The following SORCS1 variants were observed in gnomAD, a reference collection of about 807,000 sequenced individuals.
SORCS1 encodes sortilin related VPS10 domain containing receptor 1.
A neutral mutation model predicts 146.1 loss-of-function variants in SORCS1; 60 were observed. The ratio of observed to expected loss-of-function variants is 0.41; its 90% confidence interval spans 0.33 to 0.51. The LOEUF (loss-of-function observed/expected upper bound fraction) is 0.51, where lower values mean the gene tolerates loss of function less well. SORCS1 is among the 20% of genes least tolerant of loss of function. The pLI, the probability that SORCS1 is intolerant of heterozygous loss-of-function variation, is 0.21. For missense variants in SORCS1, 1,352 were observed against 1,487.6 expected (o/e 0.91, Z 1.50); for synonymous variants, 637 against 584.0 (o/e 1.09, Z -1.31).
chr10:106,815,385 C>T (rs1258328225), intron 3 of SORCS1, among the ~76,000 whole-genome samples: 1 of 152,226 alleles, frequency 6.6e-6, no homozygotes, highest in Non-Finnish European at 1.5e-5. Context: ...CCAATTTCAA[C>T]AAGGCCCTCT....
At chr10:106,954,145 C>T (rs1714365609) in intron 2 of SORCS1, among the ~76,000 whole-genome samples, 1 of 152,236 alleles carries the variant, frequency 6.6e-6, no homozygotes, top group Non-Finnish European at 1.5e-5. Flanking sequence ...TCAGGCCCTG[C>T]AGGCATGTTC....
At chr10:106,599,499 G>A (rs191032342) in intron 23 of SORCS1, among the ~76,000 whole-genome samples, 1 of 152,190 alleles carries the variant, frequency 6.6e-6, no homozygotes, top group African/African-American at 2.4e-5. Context: ...AATTGGCAGA[G>A]TCTTTATAGG....
chr10:107,057,233 A>G (rs1960730947), intron 1 of SORCS1, among the ~76,000 whole-genome samples: 1 of 152,120 alleles, frequency 6.6e-6, no homozygotes, highest in Admixed American at 6.5e-5. Flanking sequence ...AAAAAAAATT[A>G]TTCATAAAAT....
At chr10:107,002,014 A>G (rs949490094) in intron 1 of SORCS1, among the ~76,000 whole-genome samples, 1 of 152,216 alleles carries the variant, frequency 6.6e-6, no homozygotes, top group Non-Finnish European at 1.5e-5. Flanking sequence ...TTCTGAAGGA[A>G]AAAATATCCA....
intron 1 of SORCS1, among the ~76,000 whole-genome samples, chr10:106,957,204 G>A (rs1410580830): frequency 2.8e-5 from 4 of 140,542 alleles, no homozygotes; most frequent in South Asian, 2.3e-4. Context: ...AGTTTCGCTC[G>A]CTCGTGTTGC....
At chr10:106,660,749 C>CA (rs200384139) in intron 17 of SORCS1, among the ~76,000 whole-genome samples, 1,862 of 80,546 alleles carry the variant, frequency 0.023, 36 homozygotes, top group African/African-American at 0.064. Flanking sequence ...GACTCCGTCT[C>CA]AAAAAAAAAA....
At chr10:106,621,458 A>G (rs1847738755) in intron 19 of SORCS1, among the ~76,000 whole-genome samples, 1 of 151,314 alleles carries the variant, frequency 6.6e-6, no homozygotes, top group Non-Finnish European at 1.5e-5. Context: ...TGCCCTGTAA[A>G]TGTGTTTCCC....
At chr10:106,774,613 A>G (rs1176162822) in intron 4 of SORCS1, among the ~76,000 whole-genome samples, 1 of 152,236 alleles carries the variant, frequency 6.6e-6, no homozygotes, top group Non-Finnish European at 1.5e-5. Context: ...ATATCCATTA[A>G]AGTCCAGCTG....
At chr10:106,931,154 T>A (rs1228791055) in intron 2 of SORCS1, among the ~76,000 whole-genome samples, 1 of 152,196 alleles carries the variant, frequency 6.6e-6, no homozygotes, top group African/African-American at 2.4e-5. Flanking sequence ...ACCCTTCTTC[T>A]CCTAGAAGAC....
rs574142143 is a variant in SORCS1 at position 107,037,485 on chromosome 10, C to T, written c.559-80905G>A. On this transcript the variant is annotated intron_variant, in intron 1 of 25. Transcript: ENST00000263054. ...ATAATATGTTTGCATTTCTATCTGG[C>T]TCCCGGACTCAAAGAAACTTGAATA... 2.0e-3 allele frequency among the ~76,000 whole-genome samples: 309 copies of T among 152,330 alleles called. 1 individual carries two copies. The highest frequency in any genetic ancestry group is 7.1e-3 in the African/African-American group (294 of 41,580).
intron 18 of SORCS1, among the ~76,000 whole-genome samples, chr10:106,636,057 T>C (rs1448879708): frequency 6.6e-6 from 1 of 152,118 alleles, no homozygotes; most frequent in Non-Finnish European, 1.5e-5. Flanking sequence ...GCCAGTGTAG[T>C]AAATGCATGG....
chr10:107,103,804 C>T (rs1271323733), intron 1 of SORCS1, among the ~76,000 whole-genome samples: 1 of 152,194 alleles, frequency 6.6e-6, no homozygotes, highest in East Asian at 1.9e-4. Flanking sequence ...TATAAAACCC[C>T]TTTGTTCTCC....
chr10:106,783,643 T>C (rs1861062202), intron 3 of SORCS1, among the ~76,000 whole-genome samples: 1 of 152,208 alleles, frequency 6.6e-6, no homozygotes. Context: ...GACGACACTA[T>C]ATTCTTGAAC....
intron 20 of SORCS1, among the ~76,000 whole-genome samples, chr10:106,619,282 A>G (rs969960803): frequency 1.3e-5 from 2 of 152,222 alleles, no homozygotes; most frequent in Non-Finnish European, 2.9e-5. Flanking sequence ...GTTCACACAC[A>G]TAGTTTCAGG....
chr10:106,650,199 T>C (rs1384016197), intron 18 of SORCS1, among the ~76,000 whole-genome samples: 1 of 152,198 alleles, frequency 6.6e-6, no homozygotes, highest in East Asian at 1.9e-4. Context: ...AAGGTTTACT[T>C]TGGTTTCTAA....
At chr10:107,103,922 G>T (rs563230491) in intron 1 of SORCS1, among the ~76,000 whole-genome samples, 19 of 152,272 alleles carry the variant, frequency 1.2e-4, no homozygotes, top group Non-Finnish European at 4.4e-5. Flanking sequence ...TCATTTCACT[G>T]TGAGTTGCCT....
In SORCS1 at chr10:106,725,593, C is replaced by T. The variant is rs915117000; in HGVS notation, c.1024+4457G>A. ...AAATAAATAAATAAATAAATAATAACAGTAATGAATGGATGGAGAAAAAAA... is the reference window on the plus strand; with the variant it reads ...AAATAAATAAATAAATAAATAATAATAGTAATGAATGGATGGAGAAAAAAA... On this transcript the variant is annotated intron_variant, in intron 6 of 25. Coordinates refer to ENST00000263054, the MANE Select transcript of SORCS1 (RefSeq NM_052918.5). 9.2e-5 allele frequency among the ~76,000 whole-genome samples: 7 copies of T among 76,084 alleles called. No individual in the cohort carries two copies. In the South Asian group the frequency reaches 3.0e-3, roughly 33 times the overall value. The allele number at this position is 76,084 out of a possible 152,430, so 49.9% of individuals were successfully genotyped here.
At chr10:106,832,643 C>T (rs374973794) in intron 2 of SORCS1, among the ~76,000 whole-genome samples, 1 of 152,064 alleles carries the variant, frequency 6.6e-6, no homozygotes, top group Non-Finnish European at 1.5e-5. Flanking sequence ...GAACAATACT[C>T]ACAAGTTCCA....
At chr10:107,069,859 A>G (rs1158128737) in intron 1 of SORCS1, among the ~76,000 whole-genome samples, 7 of 152,238 alleles carry the variant, frequency 4.6e-5, no homozygotes, top group Non-Finnish European at 8.8e-5. Context: ...GTTACTATGT[A>G]AAAGCATGCA....
Sources: gnomAD v4.1 joint callset for allele counts (sites outside exome capture counted in the v4.1 genomes callset) on GRCh38, gnomAD v4.1.1 for gene constraint, MANE v1.5 for transcripts, NCBI Gene and HGNC (gene_info 2026-07-23, HGNC 2026-07-21) for gene names.